INTS2: variants seen among roughly 807,000 people sequenced by gnomAD.
INTS2 encodes the protein integrator complex subunit 2.
Under a neutral mutation model 139.6 loss-of-function variants are expected in INTS2, and 57 were observed. The observed-to-expected ratio is 0.41, with a 90% CI of 0.33 to 0.51. INTS2 has a LOEUF of 0.51. Ranked by LOEUF, INTS2 falls within the 20% of genes least tolerant of loss-of-function variation. The probability of loss-of-function intolerance (pLI) is 0.28; values close to 1 mark genes in which losing one functional copy is unlikely to be tolerated. For missense variants in INTS2, 1,196 were observed against 1,436.7 expected (o/e 0.83, Z 2.71); for synonymous variants, 473 against 493.4 (o/e 0.96, Z 0.55).
At position 61,884,928 on chromosome 17, in the gene INTS2, C is replaced by A; in HGVS notation, c.2062G>T (p.Ala688Ser). The A allele has an allele frequency of 6.2e-7, 1 of 1,607,836 alleles. No individual in the cohort carries two copies. The highest frequency in any genetic ancestry group is 1.3e-5 in the African/African-American group (1 of 74,918). ...CCCAACTCCTGCTGCAGCCCTTGAG[C>A]CTGTCGAATAAGGAATTTGATAGGA... Reference protein sequence around the residue: ...QIPIKFLIRQAQGLQQELGGL... With the variant: ...QIPIKFLIRQSQGLQQELGGL... Residue 688 changes from alanine to serine, a missense_variant, in exon 16 of 25, where the codon GCT becomes TCT. By Grantham distance (99) the Ala-to-Ser change is moderately conservative. Coordinates refer to ENST00000251334, the MANE Select transcript of INTS2 (RefSeq NM_001351695.2).
intron 17 of INTS2, among the ~76,000 whole-genome samples, chr17:61,878,746 A>T (rs1012676251): frequency 6.6e-6 from 1 of 151,976 alleles, no homozygotes; most frequent in Non-Finnish European, 1.5e-5. Context: ...GTTCAAGACC[A>T]GTCTGGGCAA....
In INTS2 at chr17:61,909,814, CATGTGTGTATGTGTGT is replaced by C. The variant is rs1423296542; in HGVS notation, c.954+1690_954+1705del. Among the ~76,000 whole-genome samples, 3 of 85,160 alleles carry C rather than the reference CATGTGTGTATGTGTGT, an allele frequency of 3.5e-5. No homozygotes were observed. Among genetic ancestry groups the C allele is most frequent in the Admixed American group, 2.7e-4 (2 of 7,408 alleles). 55.9% of individuals were successfully genotyped at this position (85,160 alleles called of 152,430 possible). A position where few individuals can be genotyped will look rare whatever the true frequency, so the allele number is the denominator to read the frequency against. ...GTATACATATATACGTGTGTGTGTA[CATGTGTGTATGTGTGT>C]GTGTGTGTGTGTGTGTGTGTGTGTG... is the stretch of plus-strand genomic sequence containing the variant. On this transcript the variant is annotated intron_variant, in intron 7 of 24. Transcript: ENST00000251334. The surrounding 1 kb of genome is among the most constrained non-coding windows in gnomAD (Gnocchi z 4.9).
rs763954723 is a variant in INTS2, at chr17:61,869,718, T to G, written c.3030+19A>C. On this transcript the variant is annotated intron_variant, in intron 21 of 24. Transcript: ENST00000251334. This position sits in a 1 kb window ranked among gnomAD's most constrained non-coding sequence, Gnocchi z 5.4. ...AAAAATAAAGTTCAAACACAAAGCATCATTCTTTGGAAACAGACCTGAAAG... is the reference window on the plus strand; with the variant it reads ...AAAAATAAAGTTCAAACACAAAGCAGCATTCTTTGGAAACAGACCTGAAAG... 3.7e-6 allele frequency: 6 copies of G among 1,609,476 alleles called. No individual in the cohort carries two copies. The South Asian group carries it at 5.5e-5, about 15-fold the overall frequency.
chr17:61,907,338 GCTCA>G, intron 8 of INTS2, 66 bp downstream of exon 8: 1 of 1,318,316 alleles, frequency 7.6e-7, no homozygotes, highest in South Asian at 1.3e-5. Context: ...AAGGCCTTTG[GCTCA>G]CTTTCTTGAG....
chr17:61,912,039 T>G lies in INTS2; in HGVS notation c.681A>C (p.Arg227=). 6.2e-7 allele frequency: 1 copy of G among 1,613,800 alleles called. No homozygotes were observed. The highest frequency in any genetic ancestry group is 8.5e-7 in the Non-Finnish European group (1 of 1,179,784). ...VCRGLIKNGE[R]QDEESLGGRR... ...TTCCTCCAAGACTTTCTTCATCTTG[T>G]CGTTCTCCATTTTTTATCAGGCCCC... Residue 227 remains arginine (R), a synonymous_variant, in exon 6 of 25, where the codon CGA becomes CGC. Coordinates refer to ENST00000251334, the MANE Select transcript of INTS2 (RefSeq NM_001351695.2).
chr17:61,907,367 G>T, intron 8 of INTS2, 41 bp downstream of exon 8: 1 of 1,481,786 alleles, frequency 6.7e-7, no homozygotes, highest in South Asian at 1.2e-5. Context: ...GAAACAAGAA[G>T]GTAAAATGAC....
intron 5 of INTS2, among the ~76,000 whole-genome samples, chr17:61,916,159 G>A (rs2079580400): frequency 6.6e-6 from 1 of 152,130 alleles, no homozygotes; most frequent in Non-Finnish European, 1.5e-5. Flanking sequence ...CACAGGCCAG[G>A]CACGGTGGCT....
intron 19 of INTS2, among the ~76,000 whole-genome samples, chr17:61,874,483 G>C (rs1327468203): frequency 6.6e-6 from 1 of 152,160 alleles, no homozygotes; most frequent in Non-Finnish European, 1.5e-5. Context: ...CAATTGGTAA[G>C]GATTTAGAGC....
intron 16 of INTS2, among the ~76,000 whole-genome samples, chr17:61,883,762 A>G (rs1567894586): frequency 1.3e-5 from 2 of 151,864 alleles, no homozygotes; most frequent in East Asian, 3.9e-4. Context: ...CAAAAAAAAA[A>G]AAAAGAAAAG....
chr17:61,925,111 C>T lies in INTS2; in HGVS notation c.294-12G>A. ...CTCCAAGTTTATGCCTAATGAAGTA[C>T]AAAACATGTAACAATTATGAAAACA... On this transcript the variant is annotated splice_polypyrimidine_tract_variant and intron_variant, in intron 2 of 24. Coordinates refer to ENST00000251334, the MANE Select transcript of INTS2 (RefSeq NM_001351695.2). 1 of 1,609,772 alleles carries T rather than the reference C, an allele frequency of 6.2e-7. No individual in the cohort carries two copies. Among genetic ancestry groups the T allele is most frequent in the Non-Finnish European group, 8.5e-7 (1 of 1,176,832 alleles).
chr17:61,919,367 C>G (rs558334387), intron 5 of INTS2, 33 bp downstream of exon 5: 4 of 1,099,054 alleles, frequency 3.6e-6, no homozygotes, highest in Non-Finnish European at 5.4e-6. Flanking sequence ...CCAAGCAAGT[C>G]TTTTCAATAT....
In INTS2 at chr17:61,871,655, C is replaced by T. The variant is rs143691109; in HGVS notation, c.2778+610G>A. On this transcript the variant is annotated intron_variant, in intron 20 of 24. Coordinates refer to ENST00000251334, the MANE Select transcript of INTS2 (RefSeq NM_001351695.2). This position sits in a 1 kb window ranked among gnomAD's most constrained non-coding sequence, Gnocchi z 4.9. ...CCAGTAAATATTGGTTGAATGAGGC[C>T]GGGTGCCGTGGCTCATGCCTGTAAT... 3.2e-3 allele frequency among the ~76,000 whole-genome samples: 481 copies of T among 152,048 alleles called. 3 individuals carry two copies. Among genetic ancestry groups the T allele is most frequent in the African/African-American group, 0.011 (454 of 41,498 alleles).
At position 61,897,838 on chromosome 17, in the gene INTS2, C is replaced by A; in HGVS notation, c.1308-99G>T. 1.1e-6 allele frequency: 1 copy of A among 872,724 alleles called. No individual in the cohort carries two copies. 54.1% of individuals were successfully genotyped at this position (872,724 alleles called of 1,614,324 possible). On this transcript the variant is annotated intron_variant, in intron 9 of 24. Coordinates refer to ENST00000251334, the MANE Select transcript of INTS2 (RefSeq NM_001351695.2). The surrounding 1 kb of genome is among the most constrained non-coding windows in gnomAD (Gnocchi z 4.4). ...TTATTTTTGGTAGAAATTATTTTTC[C>A]TGCCCTATTTTCAAGTATCAAGTCA...
Position 61,875,875 on chromosome 17 carries a change from A to G in INTS2, c.2457-837T>C, listed in dbSNP as rs2079122693. Among the ~76,000 whole-genome samples, 2 of 152,174 alleles carry G rather than the reference A, an allele frequency of 1.3e-5. No individual in the cohort carries two copies. The highest frequency in any genetic ancestry group is 2.9e-5 in the Non-Finnish European group (2 of 68,026). ...AGATAACAAAGAGCTCTTAGAATTA[A>G]GAAGAACAGGGCCTGACACAGTGGC... is the stretch of plus-strand genomic sequence containing the variant. On this transcript the variant is annotated intron_variant, in intron 18 of 24. Coordinates refer to ENST00000251334, the MANE Select transcript of INTS2 (RefSeq NM_001351695.2). This position sits in a 1 kb window ranked among gnomAD's most constrained non-coding sequence, Gnocchi z 4.6.
At position 61,921,174 on chromosome 17, in the gene INTS2, CT is replaced by C. The variant is rs1175025890; in HGVS notation, c.535+550del. 2.0e-5 allele frequency: 3 copies of C among 152,144 alleles called. No homozygotes were observed. The East Asian group carries it at 5.8e-4, about 29-fold the overall frequency. The allele number at this position is 152,144 out of a possible 1,614,324, so 9.4% of individuals were successfully genotyped here. ...AAGGTACGAAGAAGAAAATTAAAAT[CT>C]GCCCTAATCCCAGAATTCAAAGTTA... On this transcript the variant is annotated intron_variant, in intron 4 of 24. Coordinates refer to ENST00000251334, the MANE Select transcript of INTS2 (RefSeq NM_001351695.2).
At position 61,897,891 on chromosome 17, in the gene INTS2, T is replaced by C. The variant is rs2079365395; in HGVS notation, c.1308-152A>G. ...TTAAAGGCTTGCTGAATTGGGCCAT[T>C]AATTGTCATTGAGGTATGAAGTAAT... On this transcript the variant is annotated intron_variant, in intron 9 of 24. Transcript: ENST00000251334. This position sits in a 1 kb window ranked among gnomAD's most constrained non-coding sequence, Gnocchi z 4.4. 6.6e-6 allele frequency among the ~76,000 whole-genome samples: 1 copy of C among 152,244 alleles called. No homozygotes were observed. Among genetic ancestry groups the C allele is most frequent in the African/African-American group, 2.4e-5 (1 of 41,472 alleles).
chr17:61,927,554 G>C, intron 1 of INTS2, 100 bp downstream of exon 1: 1 of 784,154 alleles, frequency 1.3e-6, no homozygotes, highest in Non-Finnish European at 1.6e-6. Flanking sequence ...CGCCCCGGGC[G>C]CAACTAGAAC....
rs12938171 is a variant in INTS2 at position 61,902,994 on chromosome 17, G to A, written c.1307+1466C>T. On this transcript the variant is annotated intron_variant, in intron 9 of 24. Transcript: ENST00000251334. ...ATCGTGGCTAACATGGTGAAACCCC[G>A]TCTCTACTAAAAATACAAAAATTAG... Among the ~76,000 whole-genome samples, 1,362 of 150,794 alleles carry A rather than the reference G, an allele frequency of 9.0e-3. 4 individuals are homozygous for A. The highest frequency in any genetic ancestry group is 0.014 in the Admixed American group (219 of 15,136).
intron 7 of INTS2, among the ~76,000 whole-genome samples, chr17:61,908,206 G>A (rs2079486106): frequency 6.6e-6 from 1 of 152,200 alleles, no homozygotes; most frequent in South Asian, 2.1e-4. Flanking sequence ...CTTGAGGTCA[G>A]GAGTTCGAGA....
Sources: gnomAD v4.1 joint callset for allele counts (sites outside exome capture counted in the v4.1 genomes callset) on GRCh38, gnomAD v4.1.1 for gene constraint, Gnocchi (gnomAD v3.1) non-coding constraint, MANE v1.5 for transcripts, NCBI Gene and HGNC (gene_info 2026-07-23, HGNC 2026-07-21) for gene names.